The following EZH1 variants were observed in gnomAD, a reference collection of about 807,000 sequenced individuals.
EZH1 encodes the protein enhancer of zeste 1 polycomb repressive complex 2 subunit.
Under a neutral mutation model 100.5 loss-of-function variants are expected in EZH1, and 33 were observed. That is an observed-to-expected ratio of 0.33 (90% CI 0.25 to 0.44). The LOEUF is 0.44. Ranked by LOEUF, EZH1 falls within the 20% of genes least tolerant of loss-of-function variation. EZH1 has a pLI of 1.00. For missense variants in EZH1, 475 were observed against 928.4 expected, an observed-to-expected ratio of 0.51 and a Z score of 6.35; for synonymous variants, 272 against 313.8, an observed-to-expected ratio of 0.87 and a Z score of 1.41.
intron 4 of EZH1, among the ~76,000 whole-genome samples, chr17:42,725,719 C>T (rs1337061920): frequency 6.6e-6 from 1 of 152,162 alleles, no homozygotes; most frequent in Non-Finnish European, 1.5e-5. Flanking sequence ...TCTGAAAGTC[C>T]TAAAAGATGA....
chr17:42,705,984 G>T, intron 16 of EZH1, 23 bp downstream of exon 16: 1 of 1,591,050 alleles, frequency 6.3e-7, no homozygotes, highest in African/African-American at 1.3e-5. Flanking sequence ...TATGTGGTGT[G>T]GGGTCCTGAG....
rs986873137 is a variant in EZH1 at position 42,700,702 on chromosome 17, G to A, written c.*1830C>T. The A allele has an allele frequency of 6.6e-6, 1 of 152,346 alleles. No homozygotes were observed. The highest frequency in any genetic ancestry group is 2.4e-5 in the African/African-American group (1 of 41,418). The allele number at this position is 152,346 out of a possible 1,614,324, so 9.4% of individuals were successfully genotyped here. Reference sequence around the variant, plus strand: ...TTTGGAACCCACAGTCCAGCTTGAGGGTATCCCTGATATGCACAATGAATA... The same window carrying A: ...TTTGGAACCCACAGTCCAGCTTGAGAGTATCCCTGATATGCACAATGAATA... On this transcript the variant is annotated 3_prime_UTR_variant, in exon 21 of 21. Coordinates refer to ENST00000428826, the MANE Select transcript of EZH1 (RefSeq NM_001991.5).
intron 5 of EZH1, among the ~76,000 whole-genome samples, chr17:42,723,283 G>A (rs2053751673): frequency 6.6e-6 from 1 of 151,878 alleles, no homozygotes; most frequent in Admixed American, 6.6e-5. Flanking sequence ...GCTGAGGGAG[G>A]AGAATCGCTT....
chr17:42,730,073 AAAC>A (rs568981181), intron 2 of EZH1, among the ~76,000 whole-genome samples: 72 of 152,228 alleles, frequency 4.7e-4, no homozygotes, highest in East Asian at 1.7e-3. Flanking sequence ...AAACAAAAAA[AAAC>A]AACAACAACA....
intron 1 of EZH1, among the ~76,000 whole-genome samples, chr17:42,742,601 C>T (rs1288336443): frequency 1.3e-5 from 2 of 152,170 alleles, no homozygotes; most frequent in Non-Finnish European, 2.9e-5. Flanking sequence ...CACCTGACTC[C>T]CAGTGCCAGA....
intron 6 of EZH1, among the ~76,000 whole-genome samples, chr17:42,722,343 G>A (rs2053725632): frequency 6.6e-6 from 1 of 151,250 alleles, no homozygotes; most frequent in Admixed American, 6.6e-5. Context: ...AAAAAAATTG[G>A]GCTAGGCATG....
chr17:42,715,972 G>A (rs549678162), intron 10 of EZH1, among the ~76,000 whole-genome samples: 5 of 151,868 alleles, frequency 3.3e-5, no homozygotes, highest in Non-Finnish European at 7.4e-5. Context: ...GTTTGAACCC[G>A]GGAGGTGGAG....
At chr17:42,740,192 C>G (rs2054150511) in intron 1 of EZH1, among the ~76,000 whole-genome samples, 1 of 151,542 alleles carries the variant, frequency 6.6e-6, no homozygotes, top group South Asian at 2.1e-4. Flanking sequence ...GGACTACGGG[C>G]ACATGCCACC....
rs754676370 is a variant in EZH1 at position 42,707,944 on chromosome 17, C to T, written c.1660+14G>A. 22 of 1,613,252 alleles carry T rather than the reference C, an allele frequency of 1.4e-5. No individual in the cohort carries two copies. The highest frequency in any genetic ancestry group is 1.3e-4 in the South Asian group (12 of 91,060). ...CTGTTTTGGTAGACTATACAGAAAACGTAGCACACTTACAGTCTGGGTTGC... is the reference window on the plus strand; with the variant it reads ...CTGTTTTGGTAGACTATACAGAAAATGTAGCACACTTACAGTCTGGGTTGC... On this transcript the variant is annotated intron_variant, in intron 15 of 20. Transcript: ENST00000428826.
Position 42,702,415 on chromosome 17 carries a change from G to T in EZH1, c.*117C>A. On this transcript the variant is annotated 3_prime_UTR_variant, in exon 21 of 21. Transcript: ENST00000428826. ...CAGAGGCCTCACTACAGAGGGAGTGGGTTGGGGGGTTTCTCAGTGTGGGAG... is the reference window on the plus strand; with the variant it reads ...CAGAGGCCTCACTACAGAGGGAGTGTGTTGGGGGGTTTCTCAGTGTGGGAG... The T allele has an allele frequency of 1.2e-6, 1 of 839,182 alleles. No homozygotes were observed. Among genetic ancestry groups the T allele is most frequent in the Non-Finnish European group, 1.9e-6 (1 of 529,928 alleles). The allele number at this position is 839,182 out of a possible 1,614,324, so 52.0% of individuals were successfully genotyped here. A position where few individuals can be genotyped will look rare whatever the true frequency, so the allele number is the denominator to read the frequency against.
chr17:42,737,951 C>T (rs1245896327), intron 1 of EZH1, among the ~76,000 whole-genome samples: 3 of 151,884 alleles, frequency 2.0e-5, no homozygotes, highest in African/African-American at 4.8e-5. Context: ...CCGAGACAGG[C>T]GGATCACGAG....
In EZH1 at chr17:42,705,114, C is replaced by A; in HGVS notation, c.1909G>T (p.Glu637Ter). 2 of 1,613,622 alleles carry A rather than the reference C, an allele frequency of 1.2e-6. No individual in the cohort carries two copies. The highest frequency in any genetic ancestry group is 1.1e-5 in the South Asian group (1 of 90,994). Residue 637 changes from glutamate to a stop codon, truncating the protein, a stop_gained, in exon 17 of 21, where the codon GAA (glutamate) becomes TAA (stop). Transcript: ENST00000428826. LOFTEE classifies it high-confidence loss of function. ...TCACCACAGTATTCAGAAATGAATT[C>A]GTTCTTCTGCACAGACTCCTTTATG... is the stretch of plus-strand genomic sequence containing the variant. ...TFIKESVQKN[E>*]FISEYCGELI...
intron 1 of EZH1, among the ~76,000 whole-genome samples, chr17:42,733,447 C>T (rs2053996362): frequency 6.6e-6 from 1 of 151,878 alleles, no homozygotes; most frequent in Non-Finnish European, 1.5e-5. Flanking sequence ...CGAGACCATC[C>T]TGGCTAACAT....
chr17:42,725,149 T>C (rs1413524535), intron 4 of EZH1, among the ~76,000 whole-genome samples: 2 of 151,986 alleles, frequency 1.3e-5, no homozygotes, highest in African/African-American at 4.8e-5. Context: ...CCTGGCGACA[T>C]AGCGATACTC....
intron 10 of EZH1, among the ~76,000 whole-genome samples, chr17:42,713,629 G>GTC (rs147513627): frequency 0.043 from 6,580 of 152,030 alleles, 480 homozygotes; most frequent in African/African-American, 0.15. Context: ...TTGAGACAGG[G>GTC]TCTCTCTCTC....
rs2053364973 is a variant in EZH1, at chr17:42,706,905, C to T, written c.1661-720G>A. On this transcript the variant is annotated intron_variant, in intron 15 of 20. Transcript: ENST00000428826. This position sits in a 1 kb window ranked among gnomAD's most constrained non-coding sequence, Gnocchi z 4.4. ...CCATCCTTCTCCACCCACTGCCCAA[C>T]CCAGCGCAACCACTTCTCTGCTGCG... 6.6e-6 allele frequency among the ~76,000 whole-genome samples: 1 copy of T among 152,130 alleles called. No individual in the cohort carries two copies. The highest frequency in any genetic ancestry group is 2.4e-5 in the African/African-American group (1 of 41,418).
Position 42,727,670 on chromosome 17 carries a change from T to A in EZH1, c.211A>T (p.Met71Leu). Residue 71 changes from methionine to leucine, a missense_variant, in exon 4 of 21, where the codon ATG becomes TTG. Physicochemically the swap from Met to Leu is conservative, Grantham distance 15 (BLOSUM62 2). Transcript: ENST00000428826. ...KKLRVQPVQS[M>L]KPVSGHPFLK... ...AAAGGGTGTCCACTCACAGGCTTCA[T>A]TGACTGAACAGGTTGGACACGAAGC... 1 of 1,613,148 alleles carries A rather than the reference T, an allele frequency of 6.2e-7. No individual in the cohort carries two copies. Among genetic ancestry groups the A allele is most frequent in the Non-Finnish European group, 8.5e-7 (1 of 1,179,662 alleles).
At chr17:42,720,483 T>G in intron 6 of EZH1, 34 bp from the exon 7 acceptor site, 1 of 1,582,966 alleles carries the variant, frequency 6.3e-7, no homozygotes. Context: ...TGAGCAGTGG[T>G]CACTTCACAT....
chr17:42,711,336 G>T (rs1263610002), intron 12 of EZH1, among the ~76,000 whole-genome samples: 3 of 152,184 alleles, frequency 2.0e-5, no homozygotes, highest in African/African-American at 7.2e-5. Flanking sequence ...AGCCGGGCGT[G>T]GTGGTGCACA....
Sources: gnomAD v4.1 joint callset for allele counts (sites outside exome capture counted in the v4.1 genomes callset) on GRCh38, gnomAD v4.1.1 for gene constraint, Gnocchi (gnomAD v3.1) non-coding constraint, MANE v1.5 for transcripts, NCBI Gene and HGNC (gene_info 2026-07-23, HGNC 2026-07-21) for gene names.